The following PPP3CA variants were observed in gnomAD, a reference collection of about 807,000 sequenced individuals.
PPP3CA encodes the protein protein phosphatase 3 catalytic subunit alpha, also known as CAM-PRP catalytic subunit.
A neutral mutation model predicts 66.5 loss-of-function variants in PPP3CA; 14 were observed. That is an observed-to-expected ratio of 0.21 (90% CI 0.14 to 0.33). The LOEUF (loss-of-function observed/expected upper bound fraction) is 0.33, where lower values mean the gene tolerates loss of function less well. Ranked by LOEUF, PPP3CA falls within the 10% of genes least tolerant of loss-of-function variation. The pLI, the probability that PPP3CA is intolerant of heterozygous loss-of-function variation, is 1.00. For missense variants in PPP3CA, 317 were observed against 639.5 expected (o/e 0.50, Z 5.44); for synonymous variants, 232 against 226.2 (o/e 1.03, Z -0.23).
intron 1 of PPP3CA, among the ~76,000 whole-genome samples, chr4:101,309,622 C>T (rs1482345830): frequency 6.6e-6 from 1 of 152,118 alleles, no homozygotes; most frequent in Non-Finnish European, 1.5e-5. Flanking sequence ...GAAAATAAAG[C>T]AGCTAAACAG....
At chr4:101,205,212 G>T (rs201417821) in intron 1 of PPP3CA, among the ~76,000 whole-genome samples, 10 of 151,960 alleles carry the variant, frequency 6.6e-5, no homozygotes, top group Admixed American at 1.3e-4. Context: ...AAGACTAGAC[G>T]AATTTATTTC....
At chr4:101,304,140 T>G (rs1313191039) in intron 1 of PPP3CA, among the ~76,000 whole-genome samples, 1 of 152,212 alleles carries the variant, frequency 6.6e-6, no homozygotes, top group African/African-American at 2.4e-5. Flanking sequence ...AATCAAAGTT[T>G]CTTAACATGT....
intron 1 of PPP3CA, among the ~76,000 whole-genome samples, chr4:101,253,142 G>T (rs1158690919): frequency 6.6e-6 from 1 of 152,098 alleles, no homozygotes; most frequent in African/African-American, 2.4e-5. Flanking sequence ...TACTGAGATT[G>T]CTCATTAAAA....
intron 2 of PPP3CA, among the ~76,000 whole-genome samples, chr4:101,119,180 A>G (rs1444753525): frequency 6.6e-6 from 1 of 151,940 alleles, no homozygotes; most frequent in African/African-American, 2.4e-5. Context: ...AAGTTGTTCT[A>G]TATTTTTCCA....
At chr4:101,302,301 G>A (rs969758625) in intron 1 of PPP3CA, among the ~76,000 whole-genome samples, 1 of 152,134 alleles carries the variant, frequency 6.6e-6, no homozygotes, top group Non-Finnish European at 1.5e-5. Flanking sequence ...TTAAAATGCT[G>A]ATGCATCCTC....
chr4:101,113,444 T>C (rs562357295), intron 2 of PPP3CA, among the ~76,000 whole-genome samples: 8 of 152,132 alleles, frequency 5.3e-5, no homozygotes, highest in Non-Finnish European at 2.9e-5. Flanking sequence ...ACCTCTTTCA[T>C]TGCTCATTCT....
At chr4:101,176,859 T>C (rs1362387842) in intron 2 of PPP3CA, among the ~76,000 whole-genome samples, 1 of 152,152 alleles carries the variant, frequency 6.6e-6, no homozygotes, top group Non-Finnish European at 1.5e-5. Context: ...AGATATACGA[T>C]ATACTAGGAT....
At chr4:101,322,427 T>TG (rs1235201921) in intron 1 of PPP3CA, among the ~76,000 whole-genome samples, 1 of 150,428 alleles carries the variant, frequency 6.6e-6, no homozygotes, top group African/African-American at 2.4e-5. Context: ...TTTTTTTTTT[T>TG]GAGACCAGAG....
chr4:101,073,244 T>C (rs1728999515), intron 8 of PPP3CA, among the ~76,000 whole-genome samples: 1 of 151,350 alleles, frequency 6.6e-6, no homozygotes, highest in African/African-American at 2.4e-5. Flanking sequence ...TGTGTGTGTG[T>C]GTGTGTGTGT....
At chr4:101,066,441 A>G (rs774778291) in intron 8 of PPP3CA, among the ~76,000 whole-genome samples, 1 of 152,188 alleles carries the variant, frequency 6.6e-6, no homozygotes, top group Non-Finnish European at 1.5e-5. Flanking sequence ...CTTCACTGTT[A>G]ACAATGAAAG....
intron 2 of PPP3CA, among the ~76,000 whole-genome samples, chr4:101,161,655 AAC>A (rs1464693307): frequency 6.6e-6 from 1 of 152,200 alleles, no homozygotes; most frequent in Non-Finnish European, 1.5e-5. Flanking sequence ...ATCTCTTTTT[AAC>A]ACATACAGGT....
At chr4:101,132,404 A>G (rs549600934) in intron 2 of PPP3CA, among the ~76,000 whole-genome samples, 1 of 152,200 alleles carries the variant, frequency 6.6e-6, no homozygotes, top group Non-Finnish European at 1.5e-5. Flanking sequence ...ACACTAAAAA[A>G]TGATAAAGGG....
At chr4:101,029,313 C>T (rs1212922886) in intron 12 of PPP3CA, 118 bp from the exon 13 acceptor site, 3 of 476,062 alleles carry the variant, frequency 6.3e-6, no homozygotes, top group African/African-American at 2.6e-5. Context: ...CCTGTAAGTG[C>T]TAGATTCTGG....
At chr4:101,243,154 C>T (rs1726366461) in intron 1 of PPP3CA, among the ~76,000 whole-genome samples, 1 of 152,180 alleles carries the variant, frequency 6.6e-6, no homozygotes, top group Non-Finnish European at 1.5e-5. Context: ...AGAATCCACT[C>T]CTGCTTTTTC....
intron 8 of PPP3CA, among the ~76,000 whole-genome samples, chr4:101,068,875 T>C (rs1325407054): frequency 1.3e-5 from 2 of 152,334 alleles, no homozygotes; most frequent in East Asian, 1.9e-4. Flanking sequence ...GTGAAAGTTA[T>C]GTGTTCAAGT....
intron 12 of PPP3CA, among the ~76,000 whole-genome samples, chr4:101,030,233 T>C (rs1726880213): frequency 6.6e-6 from 1 of 152,172 alleles, no homozygotes; most frequent in Admixed American, 6.5e-5. Flanking sequence ...AATATTAAAA[T>C]TCTACCCCTT....
chr4:101,042,642 C>T (rs578163445), intron 10 of PPP3CA, among the ~76,000 whole-genome samples: 1 of 152,008 alleles, frequency 6.6e-6, no homozygotes, highest in Admixed American at 6.6e-5. Context: ...GTGCAGGATC[C>T]CTACCTCTAA....
chr4:101,198,578 G>A (rs530591639), intron 1 of PPP3CA, among the ~76,000 whole-genome samples: 2 of 152,300 alleles, frequency 1.3e-5, no homozygotes, highest in South Asian at 2.1e-4. Context: ...GCAGATAAAA[G>A]CAGTGGGTCT....
At chr4:101,033,579 T>A (rs1241300530) in intron 11 of PPP3CA, among the ~76,000 whole-genome samples, 1 of 152,224 alleles carries the variant, frequency 6.6e-6, no homozygotes, top group Non-Finnish European at 1.5e-5. Context: ...ATATTTCTAG[T>A]TTAACCATTC....
Sources: allele counts gnomAD v4.1 joint callset (sites outside exome capture counted in the v4.1 genomes callset), GRCh38; gene constraint gnomAD v4.1.1; transcripts MANE v1.5; gene names NCBI Gene and HGNC (gene_info 2026-07-23, HGNC 2026-07-21).